The following NUDT10 variants were observed in gnomAD, a reference collection of about 807,000 sequenced individuals.
NUDT10 encodes diphosphoinositol polyphosphate phosphohydrolase 3-alpha.
NUDT10 carries 2 observed loss-of-function variants against 10.5 expected under a neutral mutation model. That is an observed-to-expected ratio of 0.19 (90% CI 0.08 to 0.60). NUDT10 has a LOEUF of 0.60. Ranked by LOEUF, NUDT10 falls within the 20% of genes least tolerant of loss-of-function variation. The pLI is 0.89. For synonymous variants in NUDT10, 53 were observed against 71.8 expected, an observed-to-expected ratio of 0.74 and a Z score of 1.32; for missense variants, 75 against 149.5, an observed-to-expected ratio of 0.50 and a Z score of 2.60.
chrX:51,334,513 G>A, intron 1 of NUDT10, among the ~76,000 whole-genome samples: 1 of 112,517 alleles, frequency 8.9e-6, no homozygotes, highest in Non-Finnish European at 1.9e-5. Flanking sequence ...CATCCCAACA[G>A]AGTTAGCTCT....
Position 51,332,842 on chromosome X carries a change from T to G in NUDT10, c.-124T>G, listed in dbSNP as rs1380695954. On this transcript the variant is annotated 5_prime_UTR_variant, in exon 1 of 2. Coordinates refer to ENST00000356450, the MANE Select transcript of NUDT10 (RefSeq NM_001304963.2). ...GGGGCAGACGGCAGACGGAGGCGCC[T>G]CTCTCTCCCCGCCCCTCTCCTCGGC... is the stretch of plus-strand genomic sequence containing the variant. 1 of 1,014,431 alleles carries G rather than the reference T, an allele frequency of 9.9e-7. No individual in the cohort carries two copies. The highest frequency in any genetic ancestry group is 1.9e-5 in the African/African-American group (1 of 51,359). The allele number at this position is 1,014,431 out of a possible 1,213,427, so 83.6% of individuals were successfully genotyped here. A position where few individuals can be genotyped will look rare whatever the true frequency, so the allele number is the denominator to read the frequency against.
chrX:51,336,412 TG>T lies in NUDT10; in HGVS notation c.*174del. 1 of 382,519 alleles carries T rather than the reference TG, an allele frequency of 2.6e-6. No individual in the cohort carries two copies. The highest frequency in any genetic ancestry group is 4.6e-6 in the Non-Finnish European group (1 of 215,372). 31.5% of individuals were successfully genotyped at this position (382,519 alleles called of 1,213,427 possible). On this transcript the variant is annotated 3_prime_UTR_variant, in exon 2 of 2. Coordinates refer to ENST00000356450, the MANE Select transcript of NUDT10 (RefSeq NM_001304963.2). ...TTACAATGACTATTCTCCAGGTTGT[TG>T]CACTACCGCTGTATCTGTACATAAT...
Position 51,332,878 on chromosome X carries a change from C to T in NUDT10, c.-88C>T. 6 of 1,135,398 alleles carry T rather than the reference C, an allele frequency of 5.3e-6. No individual in the cohort carries two copies. The highest frequency in any genetic ancestry group is 7.0e-6 in the Non-Finnish European group (6 of 854,115). The allele number at this position is 1,135,398 out of a possible 1,213,427, so 93.6% of individuals were successfully genotyped here. A position where few individuals can be genotyped will look rare whatever the true frequency, so the allele number is the denominator to read the frequency against. ...GCCCCTCTCCTCGGCCCTTTCTCTT[C>T]CCAGCACCTCGGCTGCTGCCCGGCA... On this transcript the variant is annotated 5_prime_UTR_variant, in exon 1 of 2. Transcript: ENST00000356450.
chrX:51,332,422 G>A (rs1922680155), upstream of NUDT10: 2 of 114,498 alleles, frequency 1.7e-5, no homozygotes, highest in Admixed American at 9.2e-5. Flanking sequence ...GTCACAATGC[G>A]GTGAATTTCG....
At chrX:51,335,683 C>G (rs1363481919) in intron 1 of NUDT10, among the ~76,000 whole-genome samples, 1 of 112,094 alleles carries the variant, frequency 8.9e-6, no homozygotes, top group Non-Finnish European at 1.9e-5. Flanking sequence ...TGCTCCTTGT[C>G]TCACTTGCCT....
intron 1 of NUDT10, among the ~76,000 whole-genome samples, chrX:51,335,273 G>A (rs1487822202): frequency 1.0e-5 from 1 of 98,453 alleles, no homozygotes; most frequent in East Asian, 3.2e-4. Flanking sequence ...AGCCGAGATC[G>A]TGCCACTGCA....
chrX:51,332,259 G>A (rs1482134008), upstream of NUDT10: 1 of 112,746 alleles, frequency 8.9e-6, no homozygotes, highest in Admixed American at 9.3e-5. Flanking sequence ...TGATAGTGGG[G>A]GAGGATGATG....
chrX:51,334,842 A>G (rs1179948216), intron 1 of NUDT10, among the ~76,000 whole-genome samples: 9 of 111,335 alleles, frequency 8.1e-5, no homozygotes, highest in Non-Finnish European at 1.5e-4. Flanking sequence ...TCTCTTAAAC[A>G]TTATTGACAG....
At position 51,336,502 on chromosome X, in the gene NUDT10, C is replaced by T. The variant is rs996427688; in HGVS notation, c.*263C>T. ...TGTCTGTATTTCCCGGCAGAGTATA[C>T]GCCCTTGAATGCCAGGAACTTGTTT... On this transcript the variant is annotated 3_prime_UTR_variant, in exon 2 of 2. Transcript: ENST00000356450. 8.6e-5 allele frequency: 22 copies of T among 255,866 alleles called. No homozygotes were observed. The East Asian group carries it at 9.2e-4, about 11-fold the overall frequency. The allele number at this position is 255,866 out of a possible 1,213,427, so 21.1% of individuals were successfully genotyped here. A position where few individuals can be genotyped will look rare whatever the true frequency, so the allele number is the denominator to read the frequency against.
Position 51,336,257 on chromosome X carries a change from G to T in NUDT10, c.*18G>T. 1.8e-6 allele frequency: 1 copy of T among 562,529 alleles called. No homozygotes were observed. The highest frequency in any genetic ancestry group is 2.4e-5 in the South Asian group (1 of 42,495). 46.4% of individuals were successfully genotyped at this position (562,529 alleles called of 1,213,427 possible). ...TTTTTAGGTGAATGGCATAGATGTT[G>T]TTCAGATTTACTTTGAAAGAATCAA... On this transcript the variant is annotated 3_prime_UTR_variant, in exon 2 of 2. Coordinates refer to ENST00000356450, the MANE Select transcript of NUDT10 (RefSeq NM_001304963.2).
chrX:51,333,769 GGC>G (rs1922758278), intron 1 of NUDT10, among the ~76,000 whole-genome samples: 3 of 67,539 alleles, frequency 4.4e-5, no homozygotes, highest in Non-Finnish European at 5.8e-5. Flanking sequence ...GGGGGTGGGG[GGC>G]GAGGGGTGGG....
intron 1 of NUDT10, among the ~76,000 whole-genome samples, chrX:51,335,146 C>T (rs1922803184): frequency 9.2e-6 from 1 of 109,061 alleles, no homozygotes; most frequent in Non-Finnish European, 1.9e-5. Context: ...GGTGAAACCC[C>T]GTCTCTACTA....
Position 51,333,345 on chromosome X carries a change from A to C in NUDT10, c.380A>C (p.Lys127Thr). 1 of 1,210,452 alleles carries C rather than the reference A, an allele frequency of 8.3e-7. No homozygotes were observed. The highest frequency in any genetic ancestry group is 1.1e-6 in the Non-Finnish European group (1 of 894,566). ...TGGTTCAAAGTCGAAGATGCCATCAAGGTTCTCCAGTGCCACAAGCCCGTG... is the reference window on the plus strand; with the variant it reads ...TGGTTCAAAGTCGAAGATGCCATCACGGTTCTCCAGTGCCACAAGCCCGTG... ...REWFKVEDAI[K>T]VLQCHKPVHA... The change falls in exon 1 of 2, where the codon AAG becomes ACG. Residue 127 changes from lysine to threonine, a missense_variant. Lys to Thr is a moderately conservative substitution (Grantham distance 78). Transcript: ENST00000356450.
intron 1 of NUDT10, 68 bp downstream of exon 1, chrX:51,333,527 G>C: frequency 8.6e-7 from 1 of 1,167,124 alleles, no homozygotes; most frequent in Non-Finnish European, 1.2e-6. Context: ...CCCGCCTGGA[G>C]CACCTCTCGT....
chrX:51,332,806 C>A, upstream of NUDT10: 10 of 863,919 alleles, frequency 1.2e-5, no homozygotes, highest in Non-Finnish European at 1.6e-5. Context: ...TCCCTCCGCT[C>A]CCCGGGCTCG....
At chrX:51,332,809 C>G, upstream of NUDT10, 3 of 888,916 alleles carry the variant, frequency 3.4e-6, no homozygotes, top group Non-Finnish European at 4.6e-6. Flanking sequence ...CTCCGCTCCC[C>G]GGGCTCGGGG....
At chrX:51,334,719 G>A (rs1048087868) in intron 1 of NUDT10, among the ~76,000 whole-genome samples, 1 of 111,779 alleles carries the variant, frequency 8.9e-6, no homozygotes, top group Non-Finnish European at 1.9e-5. Context: ...TGGACCTTCC[G>A]CTGTTCCCCC....
chrX:51,336,506 C>T lies in NUDT10; in HGVS notation c.*267C>T, dbSNP rs1384736731. The T allele has an allele frequency of 4.0e-6, 1 of 251,511 alleles. No homozygotes were observed. Among genetic ancestry groups the T allele is most frequent in the Non-Finnish European group, 7.1e-6 (1 of 140,708 alleles). 20.7% of individuals were successfully genotyped at this position (251,511 alleles called of 1,213,427 possible). ...TGTATTTCCCGGCAGAGTATACGCC[C>T]TTGAATGCCAGGAACTTGTTTCCTT... On this transcript the variant is annotated 3_prime_UTR_variant, in exon 2 of 2. Transcript: ENST00000356450.
At chrX:51,336,030 G>A (rs1009183664) in intron 1 of NUDT10, among the ~76,000 whole-genome samples, 4 of 111,657 alleles carry the variant, frequency 3.6e-5, no homozygotes, top group Non-Finnish European at 7.5e-5. Flanking sequence ...GTGTATTCCC[G>A]ATTTCTGAGC....
Sources: gnomAD v4.1 joint callset for allele counts (sites outside exome capture counted in the v4.1 genomes callset) on GRCh38, gnomAD v4.1.1 for gene constraint, MANE v1.5 for transcripts, NCBI Gene and HGNC (gene_info 2026-07-23, HGNC 2026-07-21) for gene names.